Variants in SPATA6 observed in about 807,000 individuals in gnomAD.
The protein encoded by SPATA6 is spermatogenesis-associated protein 6.
Under a neutral mutation model 65.3 loss-of-function variants are expected in SPATA6, and 56 were observed. The ratio of observed to expected loss-of-function variants is 0.86; its 90% CI spans 0.69 to 1.07. The LOEUF is 1.07. SPATA6 is among the 50% of genes least tolerant of loss of function. SPATA6 has a pLI of 0.00. For missense variants in SPATA6, 590 were observed against 594.8 expected, an observed-to-expected ratio of 0.99 and a Z score of 0.08; for synonymous variants, 199 against 213.2, an observed-to-expected ratio of 0.93 and a Z score of 0.58.
chr1:48,411,635 T>C (rs773187135), intron 4 of SPATA6, 47 bp from the exon 5 acceptor site: 9 of 1,428,922 alleles, frequency 6.3e-6, no homozygotes, highest in South Asian at 5.2e-5. Context: ...AAATATTCTA[T>C]TTAGAAACAA....
intron 3 of SPATA6, chr1:48,436,418 G>A (rs1654943130): frequency 2.5e-6 from 4 of 1,609,076 alleles, no homozygotes; most frequent in Non-Finnish European, 3.4e-6. Flanking sequence ...TTGAGGACCT[G>A]TTTTCCTGAA....
chr1:48,285,538 G>C, the SPATA6 span, among the ~76,000 whole-genome samples: 1 of 150,912 alleles, frequency 6.6e-6, no homozygotes, highest in African/African-American at 2.4e-5. Flanking sequence ...TGGCTGCCCA[G>C]TTTTGTGTGT....
intron 11 of SPATA6, chr1:48,326,053 G>T: frequency 6.1e-6 from 1 of 163,068 alleles, no homozygotes; most frequent in South Asian, 1.8e-4. Flanking sequence ...TCAACCAGAA[G>T]GGGGCTTACC....
the SPATA6 span, among the ~76,000 whole-genome samples, chr1:48,268,298 AAAAATATGTG>A: frequency 8.1e-6 from 1 of 123,420 alleles, no homozygotes; most frequent in South Asian, 2.8e-4. Context: ...ACTTAAAAAT[AAAAATATGTG>A]TGTGTGTGTG....
chr1:48,427,014 C>T (rs954653803), intron 3 of SPATA6, among the ~76,000 whole-genome samples: 3 of 151,928 alleles, frequency 2.0e-5, no homozygotes, highest in Non-Finnish European at 4.4e-5. Flanking sequence ...TACCCTCAAA[C>T]TCCTGGGCTC....
At chr1:48,340,006 G>C (rs988328898) in intron 11 of SPATA6, among the ~76,000 whole-genome samples, 2 of 151,826 alleles carry the variant, frequency 1.3e-5, no homozygotes, top group African/African-American at 4.8e-5. Context: ...GAAGAGCAAA[G>C]AAAGAAGCCA....
the SPATA6 span, among the ~76,000 whole-genome samples, chr1:48,283,253 T>C: frequency 6.6e-6 from 1 of 151,192 alleles, no homozygotes; most frequent in Non-Finnish European, 1.5e-5. Flanking sequence ...TTGATGGGTG[T>C]AGCACACCAG....
intron 3 of SPATA6, among the ~76,000 whole-genome samples, chr1:48,428,069 T>C (rs915257008): frequency 2.0e-5 from 3 of 152,232 alleles, no homozygotes; most frequent in Non-Finnish European, 4.4e-5. Context: ...TTTTATTCTT[T>C]CTTGTAGCTC....
At position 48,366,123 on chromosome 1, in the gene SPATA6, C is replaced by T. The variant is rs1418949370; in HGVS notation, c.910-6353G>A. On this transcript the variant is annotated intron_variant, in intron 9 of 12. Transcript: ENST00000371847. ...ATTGATTTGCGTATGTTGAACCAGC[C>T]TTGCATCCCAGGGATGAAGCCCACT... Among the ~76,000 whole-genome samples, 3 of 152,254 alleles carry T rather than the reference C, an allele frequency of 2.0e-5. No individual in the cohort carries two copies. In the East Asian group the frequency reaches 5.8e-4, roughly 29 times the overall value.
the SPATA6 span, among the ~76,000 whole-genome samples, chr1:48,273,000 T>C: frequency 1.3e-5 from 2 of 152,196 alleles, 1 homozygote; most frequent in Non-Finnish European, 2.9e-5. Flanking sequence ...GAGTCCCTTA[T>C]ATATTTAGGA....
chr1:48,431,404 C>T (rs1196371929), intron 3 of SPATA6, among the ~76,000 whole-genome samples: 1 of 152,166 alleles, frequency 6.6e-6, no homozygotes, highest in East Asian at 1.9e-4. Context: ...AAAAAACACA[C>T]ACACAATAAA....
the SPATA6 span, among the ~76,000 whole-genome samples, chr1:48,289,606 A>T: frequency 2.6e-5 from 4 of 152,248 alleles, no homozygotes; most frequent in African/African-American, 9.6e-5. Context: ...CCTTGAAAAA[A>T]GATTAGATGA....
the SPATA6 span, among the ~76,000 whole-genome samples, chr1:48,269,888 T>TA: frequency 1.3e-5 from 2 of 150,546 alleles, no homozygotes; most frequent in African/African-American, 2.4e-5. Context: ...ATTTTACCTT[T>TA]AAAAAAAAAG....
intron 5 of SPATA6, among the ~76,000 whole-genome samples, chr1:48,406,045 C>T (rs1489676082): frequency 6.6e-6 from 1 of 151,958 alleles, no homozygotes; most frequent in African/African-American, 2.4e-5. Flanking sequence ...TTCTCACAAT[C>T]AGAAGACATA....
At chr1:48,419,576 TG>T (rs1423378456) in intron 3 of SPATA6, among the ~76,000 whole-genome samples, 5 of 152,116 alleles carry the variant, frequency 3.3e-5, no homozygotes, top group Admixed American at 6.6e-5. Context: ...AAAGAAGACA[TG>T]TAAACAGAAT....
chr1:48,262,482 G>A, the SPATA6 span: 4 of 152,078 alleles, frequency 2.6e-5, no homozygotes, highest in Admixed American at 6.6e-5. Context: ...TACCTTTGGT[G>A]CAAATACATG....
intron 9 of SPATA6, among the ~76,000 whole-genome samples, chr1:48,372,321 T>A (rs764359008): frequency 6.6e-6 from 1 of 152,158 alleles, no homozygotes; most frequent in Non-Finnish European, 1.5e-5. Context: ...ACAAAGGGGT[T>A]ACAGGGCCCA....
At chr1:48,448,740 T>A (rs1656296533) in intron 3 of SPATA6, among the ~76,000 whole-genome samples, 1 of 152,124 alleles carries the variant, frequency 6.6e-6, no homozygotes, top group Non-Finnish European at 1.5e-5. Flanking sequence ...TGGAACAACA[T>A]GAATGATTCT....
chr1:48,386,158 T>C (rs1047584081), intron 8 of SPATA6, among the ~76,000 whole-genome samples: 1 of 152,186 alleles, frequency 6.6e-6, no homozygotes, highest in Non-Finnish European at 1.5e-5. Flanking sequence ...GCCTACCTTA[T>C]ATCAGAGAGT....
Sources: gnomAD v4.1 joint callset for allele counts (sites outside exome capture counted in the v4.1 genomes callset) on GRCh38, gnomAD v4.1.1 for gene constraint, MANE v1.5 for transcripts, NCBI Gene and HGNC (gene_info 2026-07-23, HGNC 2026-07-21) for gene names.